GOLM2: variants seen among roughly 807,000 people sequenced by gnomAD.
GOLM2 encodes golgi membrane protein 2.
GOLM2 carries 26 observed loss-of-function variants against 55.9 expected under a neutral mutation model. That is an observed-to-expected ratio of 0.47 (90% CI 0.34 to 0.65). The LOEUF (loss-of-function observed/expected upper bound fraction) is 0.65. Among genes scored for constraint, GOLM2 ranks in the 30% least tolerant of loss-of-function variants. The probability of loss-of-function intolerance (pLI) is 0.01; values close to 1 mark genes in which losing one functional copy is unlikely to be tolerated. For missense variants in GOLM2, 486 were observed against 531.8 expected, an observed-to-expected ratio of 0.91 and a Z score of 0.85; for synonymous variants, 165 against 194.6, an observed-to-expected ratio of 0.85 and a Z score of 1.27.
At chr15:44,307,784 A>G (rs2078848932) in intron 1 of GOLM2, 1 of 152,212 alleles carries the variant, frequency 6.6e-6, no homozygotes, top group Non-Finnish European at 1.5e-5. Context: ...ATAACTGATT[A>G]ACTTCCTCAG....
At chr15:44,291,851 T>C (rs531807831) in intron 1 of GOLM2, among the ~76,000 whole-genome samples, 5 of 152,126 alleles carry the variant, frequency 3.3e-5, no homozygotes, top group Admixed American at 6.5e-5. Context: ...GAGAAAAAAA[T>C]GAAAACCTTT....
At chr15:44,325,518 A>G (rs2078975319) in intron 2 of GOLM2, among the ~76,000 whole-genome samples, 1 of 152,262 alleles carries the variant, frequency 6.6e-6, no homozygotes, top group Non-Finnish European at 1.5e-5. Flanking sequence ...CAGGTATTTT[A>G]CAGCATAGCC....
rs1491095871 is a variant in GOLM2 at position 44,369,067 on chromosome 15, T to TTTTATA, written c.803-10622_803-10621insTTATAT. Among the ~76,000 whole-genome samples, 84 of 22,972 alleles carry TTTTATA rather than the reference T, an allele frequency of 3.7e-3. 4 individuals are homozygous for TTTTATA. The highest frequency in any genetic ancestry group is 0.012 in the African/African-American group (78 of 6,530). 15.1% of individuals were successfully genotyped at this position (22,972 alleles called of 152,430 possible). On this transcript the variant is annotated intron_variant, in intron 6 of 9. Coordinates refer to ENST00000299957, the MANE Select transcript of GOLM2 (RefSeq NM_138423.4). Reference sequence around the variant, plus strand: ...AGATATATACATATAATAGGATATATTATATATATATATATATATATATAT... The same window carrying TTTTATA: ...AGATATATACATATAATAGGATATATTTTATATATATATATATATATATATATATAT...
At chr15:44,303,710 C>T (rs2078815307) in intron 1 of GOLM2, among the ~76,000 whole-genome samples, 1 of 151,080 alleles carries the variant, frequency 6.6e-6, no homozygotes, top group Admixed American at 6.6e-5. Flanking sequence ...GGACTACAAA[C>T]TTGTGCCATC....
At chr15:44,358,878 C>T (rs990864288) in intron 6 of GOLM2, among the ~76,000 whole-genome samples, 1 of 152,218 alleles carries the variant, frequency 6.6e-6, no homozygotes, top group Non-Finnish European at 1.5e-5. Context: ...AACTTCTGGC[C>T]GGGCACGGTG....
At chr15:44,387,310 T>A (rs983473327) in intron 8 of GOLM2, 19 of 152,214 alleles carry the variant, frequency 1.2e-4, no homozygotes, top group African/African-American at 4.3e-4. Flanking sequence ...ATTTAGGTCA[T>A]CTTTAATTCC....
At chr15:44,315,006 G>A (rs1173005247) in intron 1 of GOLM2, among the ~76,000 whole-genome samples, 1 of 152,188 alleles carries the variant, frequency 6.6e-6, no homozygotes, top group Admixed American at 6.5e-5. Flanking sequence ...AGCTGGTATA[G>A]GTGTTAACCA....
chr15:44,315,968 C>G (rs994799921), intron 1 of GOLM2, among the ~76,000 whole-genome samples: 1 of 152,030 alleles, frequency 6.6e-6, no homozygotes, highest in Non-Finnish European at 1.5e-5. Context: ...ACATAAAAGT[C>G]TAGGGGATCA....
At chr15:44,322,835 G>A in intron 1 of GOLM2, 130 bp from the exon 2 acceptor site, 1 of 552,202 alleles carries the variant, frequency 1.8e-6, no homozygotes, top group Admixed American at 3.9e-5. Context: ...TTTTTGGAAA[G>A]AGGTAGAGTA....
At chr15:44,298,058 A>G (rs1254916140) in intron 1 of GOLM2, among the ~76,000 whole-genome samples, 4 of 148,778 alleles carry the variant, frequency 2.7e-5, no homozygotes, top group Non-Finnish European at 4.5e-5. Context: ...TTTAATAGAG[A>G]TGGGGTTTCA....
chr15:44,376,635 GAT>G (rs1382499131), intron 6 of GOLM2, among the ~76,000 whole-genome samples: 1 of 152,136 alleles, frequency 6.6e-6, no homozygotes, highest in Non-Finnish European at 1.5e-5. Flanking sequence ...GAAAAAAATA[GAT>G]ACTTGTATAT....
rs369697395 is a variant in GOLM2, at chr15:44,377,199, C to G, written c.803-2491C>G. ...ACCAGCCCGGACCACATAGTAAGACCTCGTCTCTACAAAAAATAAAATATT... is the reference window on the plus strand; with the variant it reads ...ACCAGCCCGGACCACATAGTAAGACGTCGTCTCTACAAAAAATAAAATATT... On this transcript the variant is annotated intron_variant, in intron 6 of 9. Coordinates refer to ENST00000299957, the MANE Select transcript of GOLM2 (RefSeq NM_138423.4). Among the ~76,000 whole-genome samples the G allele has an allele frequency of 9.9e-5, 15 of 152,120 alleles. No homozygotes were observed. In the South Asian group the frequency reaches 1.7e-3, roughly 17 times the overall value.
chr15:44,402,736 T>C lies in GOLM2; in HGVS notation c.1073-151T>C, dbSNP rs1030391290. On this transcript the variant is annotated intron_variant, in intron 8 of 9. Coordinates refer to ENST00000299957, the MANE Select transcript of GOLM2 (RefSeq NM_138423.4). The stretch of plus-strand genomic sequence containing the variant: ...GAGTCTTCCCTCTTATATACTTTTG[T>C]CTTGGATAACCTTCACAAAATGTAT... 7.9e-5 allele frequency: 47 copies of C among 592,286 alleles called. No individual in the cohort carries two copies. In the Admixed American group the frequency reaches 9.9e-4, roughly 12 times the overall value. 36.7% of individuals were successfully genotyped at this position (592,286 alleles called of 1,614,324 possible).
intron 1 of GOLM2, 35 bp from the exon 2 acceptor site, chr15:44,322,929 AT>A: frequency 1.4e-6 from 2 of 1,448,452 alleles, no homozygotes; most frequent in Admixed American, 2.1e-5. Flanking sequence ...AAAACTACAT[AT>A]TTTTTAGTAA....
intron 6 of GOLM2, among the ~76,000 whole-genome samples, chr15:44,345,489 A>T (rs1158963263): frequency 6.6e-6 from 1 of 151,080 alleles, no homozygotes; most frequent in Non-Finnish European, 1.5e-5. Flanking sequence ...CGAACTCCTG[A>T]GCTCAGGTAA....
chr15:44,332,103 T>C, intron 4 of GOLM2, 25 bp downstream of exon 4: 1 of 1,079,870 alleles, frequency 9.3e-7, no homozygotes, highest in East Asian at 2.6e-5. Flanking sequence ...TATACTTAAA[T>C]CCAAATATTT....
chr15:44,394,262 GA>G (rs1157131903), intron 8 of GOLM2, among the ~76,000 whole-genome samples: 6 of 152,186 alleles, frequency 3.9e-5, no homozygotes, highest in African/African-American at 1.4e-4. Context: ...GCTTTCTTTG[GA>G]ATGTACAGGG....
At chr15:44,296,201 G>C (rs1187941382) in intron 1 of GOLM2, among the ~76,000 whole-genome samples, 1 of 152,188 alleles carries the variant, frequency 6.6e-6, no homozygotes, top group Non-Finnish European at 1.5e-5. Flanking sequence ...CTACAGGTGT[G>C]CACCACTGTG....
At chr15:44,378,878 T>C (rs1413813607) in intron 6 of GOLM2, among the ~76,000 whole-genome samples, 2 of 151,532 alleles carry the variant, frequency 1.3e-5, no homozygotes, top group East Asian at 3.9e-4. Context: ...CCTAAGTAGC[T>C]GGGATTATAG....
Sources: gnomAD v4.1 joint callset for allele counts (sites outside exome capture counted in the v4.1 genomes callset) on GRCh38, gnomAD v4.1.1 for gene constraint, MANE v1.5 for transcripts, NCBI Gene and HGNC (gene_info 2026-07-23, HGNC 2026-07-21) for gene names.